Variants in PCDHA1 observed in about 807,000 individuals in gnomAD.
PCDHA1 encodes protocadherin alpha-1.
Under a neutral mutation model 61.3 loss-of-function variants are expected in PCDHA1, and 42 were observed. The ratio of observed to expected loss-of-function variants is 0.69; its 90% CI spans 0.54 to 0.89. The LOEUF (loss-of-function observed/expected upper bound fraction) is 0.89, where lower values mean the gene tolerates loss of function less well. Ranked by LOEUF, PCDHA1 falls within the 40% of genes least tolerant of loss-of-function variation. The pLI, the probability that PCDHA1 is intolerant of heterozygous loss-of-function variation, is 0.00. For synonymous variants in PCDHA1, 610 were observed against 553.8 expected (o/e 1.10, Z -1.43); for missense variants, 1,256 against 1,235.3 (o/e 1.02, Z -0.25).
intron 1 of PCDHA1, chr5:140,836,035 T>C (rs1214967185): frequency 1.2e-6 from 2 of 1,613,438 alleles, no homozygotes; most frequent in Non-Finnish European, 8.5e-7. Context: ...AACGTGACGC[T>C]GCAGGTGTTC....
chr5:140,820,704 A>T (rs2150107710), intron 1 of PCDHA1, among the ~76,000 whole-genome samples: 1 of 152,108 alleles, frequency 6.6e-6, no homozygotes, highest in African/African-American at 2.4e-5. Context: ...TCTTTTCAAC[A>T]TGATTATATT....
intron 1 of PCDHA1, chr5:140,849,762 C>T (rs2150448750): frequency 1.3e-6 from 2 of 1,598,528 alleles, no homozygotes; most frequent in Middle Eastern, 1.7e-4. Flanking sequence ...CGCCTACGAG[C>T]TGGTGGTTAC....
chr5:140,824,173 A>G, intron 1 of PCDHA1: 2 of 1,610,342 alleles, frequency 1.2e-6, no homozygotes, highest in Non-Finnish European at 1.7e-6. Flanking sequence ...CCAATTTTCA[A>G]ATATTAAATG....
intron 1 of PCDHA1, among the ~76,000 whole-genome samples, chr5:140,794,050 G>T (rs1428981451): frequency 6.6e-6 from 1 of 152,184 alleles, no homozygotes; most frequent in Non-Finnish European, 1.5e-5. Context: ...GGGTCTCAAA[G>T]AAATATATGC....
At chr5:140,910,856 C>T (rs548609862) in intron 1 of PCDHA1, among the ~76,000 whole-genome samples, 15 of 152,300 alleles carry the variant, frequency 9.8e-5, no homozygotes, top group Non-Finnish European at 2.2e-4. Flanking sequence ...ATCTATGTTC[C>T]ATCCACCATT....
chr5:140,967,774 G>C (rs1447955993), intron 1 of PCDHA1: 3 of 1,614,106 alleles, frequency 1.9e-6, no homozygotes, highest in Non-Finnish European at 1.7e-6. Context: ...TCTATGTGCA[G>C]GCGACTGACC....
chr5:140,883,075 T>A (rs969917261), intron 1 of PCDHA1: 8 of 1,614,134 alleles, frequency 5.0e-6, no homozygotes, highest in Non-Finnish European at 6.8e-6. Flanking sequence ...CCACAGATCC[T>A]GATGATGGTA....
intron 1 of PCDHA1, chr5:140,836,420 G>C (rs2150260462): frequency 6.2e-7 from 1 of 1,613,810 alleles, no homozygotes; most frequent in Non-Finnish European, 8.5e-7. Context: ...CAAAGGCGTC[G>C]TCGCGGGCAT....
intron 1 of PCDHA1, chr5:140,823,268 TG>T: frequency 6.2e-7 from 1 of 1,607,684 alleles, no homozygotes; most frequent in South Asian, 1.1e-5. Flanking sequence ...GAGCGGCGGG[TG>T]GGCGAGCGCC....
intron 1 of PCDHA1, chr5:140,871,145 C>T (rs1249708738): frequency 1.2e-6 from 2 of 1,613,300 alleles, no homozygotes; most frequent in East Asian, 2.2e-5. Context: ...TCTTCCCGGA[C>T]TTTGGCGGGC....
In PCDHA1 at chr5:140,786,852, C is replaced by T; in HGVS notation, c.562C>T (p.Leu188=). 1 of 1,614,164 alleles carries T rather than the reference C, an allele frequency of 6.2e-7. No homozygotes were observed. Among genetic ancestry groups the T allele is most frequent in the Non-Finnish European group, 8.5e-7 (1 of 1,180,012 alleles). Residue 188 remains leucine (L), a synonymous_variant, in exon 1 of 4, where the codon CTG becomes TTG. Transcript: ENST00000504120. ...TTTGGATGTAGAGGCAAGTGATGAACTGAGTAAATCTCTTTGGCTTGAATT... is the reference window on the plus strand; with the variant it reads ...TTTGGATGTAGAGGCAAGTGATGAATTGAGTAAATCTCTTTGGCTTGAATT... ...FSLDVEASDE[L]SKSLWLELRK... is the part of the protein sequence containing the mutation.
rs1554117851 is a variant in PCDHA1, at chr5:140,787,492, T to C, written c.1202T>C (p.Phe401Ser). ...PHVPFKLVST[F>S]KNYYSLVLDS... ...GTCCCCTTCAAGCTGGTGTCCACCTTCAAGAATTACTACTCGTTGGTGTTG... is the reference window on the plus strand; with the variant it reads ...GTCCCCTTCAAGCTGGTGTCCACCTCCAAGAATTACTACTCGTTGGTGTTG... Residue 401 changes from phenylalanine to serine, a missense_variant, in exon 1 of 4, where the codon TTC (phenylalanine) becomes TCC (serine). Physicochemically the swap from Phe to Ser is radical, Grantham distance 155. Transcript: ENST00000504120. 6.2e-7 allele frequency: 1 copy of C among 1,614,100 alleles called. No homozygotes were observed. The highest frequency in any genetic ancestry group is 8.5e-7 in the Non-Finnish European group (1 of 1,180,044).
chr5:140,879,470 T>C (rs73793510), intron 1 of PCDHA1, among the ~76,000 whole-genome samples: 2,106 of 152,256 alleles, frequency 0.014, 41 homozygotes, highest in African/African-American at 0.048. Flanking sequence ...GAGAATACCG[T>C]TGTGATTGGA....
chr5:141,000,776 G>A (rs1455881211), intron 3 of PCDHA1, among the ~76,000 whole-genome samples: 1 of 151,562 alleles, frequency 6.6e-6, no homozygotes, highest in Non-Finnish European at 1.5e-5. Context: ...GCATAGTGGC[G>A]CACACCTGTA....
chr5:140,984,878 C>G (rs2097124872), intron 3 of PCDHA1, among the ~76,000 whole-genome samples: 1 of 151,854 alleles, frequency 6.6e-6, no homozygotes, highest in African/African-American at 2.4e-5. Flanking sequence ...ATTGAGTTAC[C>G]ATGAGAACTA....
intron 1 of PCDHA1, chr5:140,808,454 C>A (rs782570113): frequency 1.2e-6 from 2 of 1,614,202 alleles, no homozygotes; most frequent in Non-Finnish European, 1.7e-6. Context: ...AGCCTATGAG[C>A]TGGTGGTGAC....
intron 1 of PCDHA1, chr5:140,877,350 G>T (rs376513441): frequency 1.9e-6 from 3 of 1,614,014 alleles, no homozygotes; most frequent in Non-Finnish European, 2.5e-6. Flanking sequence ...ACGTGGGGCT[G>T]TACACTGGCG....
intron 1 of PCDHA1, among the ~76,000 whole-genome samples, chr5:140,941,374 T>C (rs1188935172): frequency 6.7e-6 from 1 of 148,216 alleles, no homozygotes; most frequent in African/African-American, 2.5e-5. Flanking sequence ...TGGAGTGTAG[T>C]GACAGGATTT....
chr5:140,971,902 T>G (rs1554233695), intron 1 of PCDHA1, among the ~76,000 whole-genome samples: 2 of 152,280 alleles, frequency 1.3e-5, no homozygotes, highest in Admixed American at 1.3e-4. Flanking sequence ...GGTTAGGTAA[T>G]CTACACAGCC....
Sources: gnomAD v4.1 joint callset for allele counts (sites outside exome capture counted in the v4.1 genomes callset) on GRCh38, gnomAD v4.1.1 for gene constraint, MANE v1.5 for transcripts, NCBI Gene and HGNC (gene_info 2026-07-23, HGNC 2026-07-21) for gene names.